The following MSRA variants were observed in gnomAD, a reference collection of about 807,000 sequenced individuals.
MSRA encodes methionine sulfoxide reductase A.
Under a neutral mutation model 31.3 loss-of-function variants are expected in MSRA, and 54 were observed. The ratio of observed to expected loss-of-function variants is 1.73; its 90% CI spans 1.39 to 2.17. The LOEUF (loss-of-function observed/expected upper bound fraction) is 2.17. Among genes scored for constraint, MSRA ranks in the 30% most tolerant of loss-of-function variants. MSRA has a pLI of 0.00. For missense variants in MSRA, 507 were observed against 300.9 expected (o/e 1.69, Z -5.07); for synonymous variants, 169 against 116.5 (o/e 1.45, Z -2.90).
intron 2 of MSRA, among the ~76,000 whole-genome samples, chr8:10,229,068 A>G (rs1259324473): frequency 2.0e-5 from 3 of 152,220 alleles, no homozygotes; most frequent in East Asian, 1.9e-4. Flanking sequence ...AGATCATTCT[A>G]TGACCAAGTG....
chr8:10,247,794 G>A (rs939748750), intron 3 of MSRA, among the ~76,000 whole-genome samples: 1 of 152,128 alleles, frequency 6.6e-6, no homozygotes, highest in Non-Finnish European at 1.5e-5. Context: ...TTGTTGTTCT[G>A]ATCATAAAAG....
chr8:10,335,250 G>GTTTTTTTTTTTTTTTTTTTT (rs1170264568), intron 5 of MSRA, among the ~76,000 whole-genome samples: 2 of 79,878 alleles, frequency 2.5e-5, no homozygotes, highest in African/African-American at 5.4e-5. Flanking sequence ...TCCCAGCTCT[G>GTTTTTTTTTTTTTTTTTTTT]TTTTTTTTTT....
intron 5 of MSRA, among the ~76,000 whole-genome samples, chr8:10,408,266 G>C (rs1807942859): frequency 1.3e-5 from 2 of 152,210 alleles, no homozygotes; most frequent in South Asian, 4.1e-4. Context: ...GCTGGGCGTG[G>C]TGGCTCATGC....
chr8:10,295,511 C>T (rs570033316), intron 3 of MSRA, among the ~76,000 whole-genome samples: 4 of 152,306 alleles, frequency 2.6e-5, no homozygotes, highest in East Asian at 1.9e-4. Context: ...CCACCTGGGA[C>T]CCCACGCAGG....
At chr8:10,170,087 A>G (rs112652010) in intron 1 of MSRA, among the ~76,000 whole-genome samples, 2,343 of 133,452 alleles carry the variant, frequency 0.018, 25 homozygotes, top group Non-Finnish European at 0.027. Flanking sequence ...GGGTTTCACC[A>G]TGTTAGTCAG....
chr8:10,327,413 C>G (rs1802422782), intron 5 of MSRA, among the ~76,000 whole-genome samples: 1 of 152,040 alleles, frequency 6.6e-6, no homozygotes, highest in South Asian at 2.1e-4. Context: ...AGAAAAGTTC[C>G]CAAAGTGAAA....
Position 10,123,414 on chromosome 8 carries a change from C to T in MSRA, c.142+68756C>T, listed in dbSNP as rs542237526. Among the ~76,000 whole-genome samples the T allele has an allele frequency of 1.4e-4, 22 of 152,202 alleles. No homozygotes were observed. In the South Asian group the frequency reaches 3.7e-3, roughly 26 times the overall value. On this transcript the variant is annotated intron_variant, in intron 1 of 5. Transcript: ENST00000317173. The stretch of plus-strand genomic sequence containing the variant: ...ATTTGTTTGAGTTTCTTATTAGATA[C>T]TAGACCTTTGTCAAATGCATAGTTT...
At position 10,117,589 on chromosome 8, in the gene MSRA, A is replaced by G. The variant is rs182324150; in HGVS notation, c.142+62931A>G. Reference sequence around the variant, plus strand: ...TGGGAGCATGTCTTTTACAAATCAAATTAAGTATCTTTTATATATAGATAT... The same window carrying G: ...TGGGAGCATGTCTTTTACAAATCAAGTTAAGTATCTTTTATATATAGATAT... On this transcript the variant is annotated intron_variant, in intron 1 of 5. Transcript: ENST00000317173. 2.1e-3 allele frequency among the ~76,000 whole-genome samples: 323 copies of G among 152,330 alleles called. 2 individuals carry two copies. The highest frequency in any genetic ancestry group is 3.4e-3 in the Non-Finnish European group (228 of 68,030).
At chr8:10,081,113 G>C (rs1018901961) in intron 1 of MSRA, among the ~76,000 whole-genome samples, 7 of 152,206 alleles carry the variant, frequency 4.6e-5, no homozygotes, top group African/African-American at 1.7e-4. Context: ...GCCTGTCTGG[G>C]CTGCACACGT....
intron 5 of MSRA, among the ~76,000 whole-genome samples, chr8:10,368,126 GA>G (rs1563401360): frequency 1.3e-5 from 2 of 152,214 alleles, no homozygotes; most frequent in African/African-American, 2.4e-5. Context: ...GCCATGGAAA[GA>G]AAGGGTACCT....
intron 1 of MSRA, among the ~76,000 whole-genome samples, chr8:10,126,434 C>T (rs965559434): frequency 6.6e-6 from 1 of 152,146 alleles, no homozygotes; most frequent in Non-Finnish European, 1.5e-5. Context: ...ACAGTTTTTC[C>T]ACAGACTGGG....
chr8:10,242,925 C>G (rs1436082825), intron 2 of MSRA, among the ~76,000 whole-genome samples: 1 of 152,202 alleles, frequency 6.6e-6, no homozygotes, highest in East Asian at 1.9e-4. Context: ...ACGTGGCACC[C>G]CAGACCCTTG....
intron 5 of MSRA, among the ~76,000 whole-genome samples, chr8:10,417,419 G>GAC (rs1184991397): frequency 1.2e-3 from 181 of 145,474 alleles, no homozygotes; most frequent in African/African-American, 3.8e-3. Flanking sequence ...TTCGTCAGAA[G>GAC]ACACACACAC....
intron 3 of MSRA, among the ~76,000 whole-genome samples, chr8:10,246,433 C>G (rs1036409800): frequency 3.3e-5 from 5 of 152,204 alleles, no homozygotes; most frequent in African/African-American, 1.2e-4. Flanking sequence ...ATTATATTCA[C>G]CATTTTAAGA....
chr8:10,407,782 T>C (rs980864111), intron 5 of MSRA, among the ~76,000 whole-genome samples: 1 of 152,166 alleles, frequency 6.6e-6, no homozygotes, highest in Non-Finnish European at 1.5e-5. Flanking sequence ...GCACCTGAAG[T>C]ATAGGATAGC....
Position 10,410,443 on chromosome 8 carries a change from C to G in MSRA, c.544-17705C>G, listed in dbSNP as rs539421931. On this transcript the variant is annotated intron_variant, in intron 5 of 5. Coordinates refer to ENST00000317173, the MANE Select transcript of MSRA (RefSeq NM_012331.5). ...CTCATAATTCCCACAGTGTGACATT[C>G]CGTCACATCGCAAAAATAACCAACA... Among the ~76,000 whole-genome samples the G allele has an allele frequency of 2.0e-5, 3 of 152,304 alleles. No individual in the cohort carries two copies. The South Asian group carries it at 6.2e-4, about 32-fold the overall frequency.
chr8:10,261,391 A>T (rs1170940883), intron 3 of MSRA, among the ~76,000 whole-genome samples: 4 of 140,078 alleles, frequency 2.9e-5, no homozygotes, highest in African/African-American at 1.2e-4. Context: ...CTGTTACTTA[A>T]AAAAAAAAAA....
intron 3 of MSRA, among the ~76,000 whole-genome samples, chr8:10,254,036 G>T (rs1006036010): frequency 5.9e-5 from 9 of 152,094 alleles, no homozygotes; most frequent in Admixed American, 3.9e-4. Context: ...CCTCCGATCT[G>T]CCGGGGACTC....
rs565675236 is a variant in MSRA, at chr8:10,197,543, G to A, written c.143-10290G>A. ...GAGAGAGGGCCAGGGTTGTCTTTCC[G>A]TCTGTATCACCACCAGTAAGCACTG... is the stretch of plus-strand genomic sequence containing the variant. On this transcript the variant is annotated intron_variant, in intron 1 of 5. Transcript: ENST00000317173. Among the ~76,000 whole-genome samples the A allele has an allele frequency of 8.5e-5, 13 of 152,252 alleles. No individual in the cohort carries two copies. The East Asian group carries it at 1.5e-3, about 18-fold the overall frequency.
Sources: gnomAD v4.1 joint callset for allele counts (sites outside exome capture counted in the v4.1 genomes callset) on GRCh38, gnomAD v4.1.1 for gene constraint, MANE v1.5 for transcripts, NCBI Gene and HGNC (gene_info 2026-07-23, HGNC 2026-07-21) for gene names.